GNAQ: variants seen among roughly 807,000 people sequenced by gnomAD.
GNAQ encodes G protein subunit alpha q.
GNAQ carries 8 observed loss-of-function variants against 43.9 expected under a neutral mutation model. That is an observed-to-expected ratio of 0.18 (90% CI 0.11 to 0.33). The LOEUF is 0.33. Ranked by LOEUF, GNAQ falls within the 10% of genes least tolerant of loss-of-function variation. The pLI is 1.00. For missense variants in GNAQ, 158 were observed against 450.8 expected (o/e 0.35, Z 5.88); for synonymous variants, 155 against 170.7 (o/e 0.91, Z 0.71).
intron 1 of GNAQ, among the ~76,000 whole-genome samples, chr9:77,938,032 G>A (rs985011104): frequency 6.6e-6 from 1 of 151,980 alleles, no homozygotes; most frequent in Non-Finnish European, 1.5e-5. Context: ...CCCCTCCACC[G>A]ATACCAAAAT....
At chr9:77,762,751 TAAGA>T (rs1170170884) in intron 5 of GNAQ, among the ~76,000 whole-genome samples, 1 of 152,158 alleles carries the variant, frequency 6.6e-6, no homozygotes, top group African/African-American at 2.4e-5. Flanking sequence ...TGTTCTGTAC[TAAGA>T]AAGATTCTTC....
intron 1 of GNAQ, among the ~76,000 whole-genome samples, chr9:78,021,303 C>T (rs569125350): frequency 5.3e-5 from 8 of 151,966 alleles, no homozygotes; most frequent in Admixed American, 4.6e-4. Context: ...TGGGATTACA[C>T]GCGTGAACCA....
chr9:77,950,347 C>T (rs762755103), intron 1 of GNAQ, among the ~76,000 whole-genome samples: 6 of 152,182 alleles, frequency 3.9e-5, no homozygotes, highest in African/African-American at 1.2e-4. Flanking sequence ...TGTGCCTCCA[C>T]GCTACATGGC....
At chr9:77,760,335 T>A (rs1193328141) in intron 5 of GNAQ, among the ~76,000 whole-genome samples, 1 of 152,108 alleles carries the variant, frequency 6.6e-6, no homozygotes, top group African/African-American at 2.4e-5. Context: ...GCCTGCTGAG[T>A]GCCTGCGAGT....
At chr9:77,911,890 T>C (rs544895636) in intron 2 of GNAQ, among the ~76,000 whole-genome samples, 3 of 152,244 alleles carry the variant, frequency 2.0e-5, no homozygotes, top group East Asian at 1.9e-4. Context: ...AACCGTATTA[T>C]CAAACTAGGA....
intron 5 of GNAQ, among the ~76,000 whole-genome samples, chr9:77,768,083 T>C (rs1269693688): frequency 6.6e-6 from 1 of 152,148 alleles, no homozygotes; most frequent in East Asian, 1.9e-4. Flanking sequence ...ATCTTTACAA[T>C]AACCCAAAGA....
intron 2 of GNAQ, among the ~76,000 whole-genome samples, chr9:77,907,223 C>A (rs1289198330): frequency 6.6e-6 from 1 of 152,076 alleles, no homozygotes; most frequent in Non-Finnish European, 1.5e-5. Context: ...TAGAGTTGTG[C>A]ATTTCATTAT....
intron 2 of GNAQ, among the ~76,000 whole-genome samples, chr9:77,831,246 A>G (rs917815501): frequency 3.2e-4 from 48 of 152,350 alleles, no homozygotes; most frequent in African/African-American, 1.2e-3. Flanking sequence ...AAAATGTTTT[A>G]TATCACAAAG....
At chr9:77,912,550 A>G (rs1028382959) in intron 2 of GNAQ, among the ~76,000 whole-genome samples, 1 of 152,180 alleles carries the variant, frequency 6.6e-6, no homozygotes, top group Admixed American at 6.5e-5. Flanking sequence ...AAAATTATAA[A>G]CTGGGCTATC....
intron 1 of GNAQ, among the ~76,000 whole-genome samples, chr9:77,925,779 CAG>C (rs780611099): frequency 5.3e-5 from 8 of 152,104 alleles, no homozygotes; most frequent in Non-Finnish European, 1.0e-4. Flanking sequence ...GCCAAAAAAC[CAG>C]AGTCATACAT....
At chr9:77,966,155 G>C (rs1823164948) in intron 1 of GNAQ, among the ~76,000 whole-genome samples, 1 of 152,090 alleles carries the variant, frequency 6.6e-6, no homozygotes, top group Admixed American at 6.5e-5. Context: ...TCAGATCAGT[G>C]TTTGGAGGGG....
At chr9:77,989,442 T>TAC (rs1420688290) in intron 1 of GNAQ, among the ~76,000 whole-genome samples, 1 of 152,218 alleles carries the variant, frequency 6.6e-6, no homozygotes, top group African/African-American at 2.4e-5. Flanking sequence ...GAAGCAGTTC[T>TAC]GACTGTGAGA....
intron 1 of GNAQ, among the ~76,000 whole-genome samples, chr9:77,996,632 C>T (rs1170880587): frequency 2.8e-5 from 4 of 143,478 alleles, no homozygotes; most frequent in African/African-American, 5.2e-5. Flanking sequence ...GAGCTGAGAT[C>T]GCGCCACTGC....
At position 77,981,243 on chromosome 9, in the gene GNAQ, C is replaced by A. The variant is rs115521883; in HGVS notation, c.136+49857G>T. Reference sequence around the variant, plus strand: ...TACTCACTGCCAATATTCTGCCATACATAGTATTTCCTTTAATCAATCAAG... The same window carrying A: ...TACTCACTGCCAATATTCTGCCATAAATAGTATTTCCTTTAATCAATCAAG... On this transcript the variant is annotated intron_variant, in intron 1 of 6. Coordinates refer to ENST00000286548, the MANE Select transcript of GNAQ (RefSeq NM_002072.5). 2.0e-3 allele frequency among the ~76,000 whole-genome samples: 303 copies of A among 152,228 alleles called. 2 individuals carry two copies. Among genetic ancestry groups the A allele is most frequent in the African/African-American group, 6.6e-3 (276 of 41,542 alleles).
chr9:77,926,019 T>C lies in GNAQ; in HGVS notation c.137-3674A>G, dbSNP rs561636220. Among the ~76,000 whole-genome samples the C allele has an allele frequency of 3.5e-3, 526 of 152,334 alleles. 1 individual carries two copies. Among genetic ancestry groups the C allele is most frequent in the Non-Finnish European group, 5.6e-3 (383 of 68,026 alleles). On this transcript the variant is annotated intron_variant, in intron 1 of 6. Transcript: ENST00000286548. ...ATTATTTTTACTGTTGTATTGTTTT[T>C]ATGGCTTTTAAAAAATATTTTCTAT...
intron 1 of GNAQ, among the ~76,000 whole-genome samples, chr9:77,926,692 T>A (rs1480568276): frequency 6.6e-6 from 1 of 152,066 alleles, no homozygotes; most frequent in Non-Finnish European, 1.5e-5. Context: ...AGGGTGTGAG[T>A]CCCAGAAAAA....
Position 78,019,284 on chromosome 9 carries a change from G to A in GNAQ, c.136+11816C>T, listed in dbSNP as rs998091909. Among the ~76,000 whole-genome samples, 92 of 152,130 alleles carry A rather than the reference G, an allele frequency of 6.0e-4. 1 individual carries two copies. The highest frequency in any genetic ancestry group is 2.2e-4 in the Non-Finnish European group (15 of 68,022). On this transcript the variant is annotated intron_variant, in intron 1 of 6. Transcript: ENST00000286548. ...TGGTATGTGCCCAAAATTTGTAATC[G>A]TTTCTAACGTGATCTGGATAACATC...
At chr9:77,797,102 G>A (rs1214077947) in intron 4 of GNAQ, among the ~76,000 whole-genome samples, 13 of 152,022 alleles carry the variant, frequency 8.6e-5, no homozygotes, top group African/African-American at 2.4e-4. Context: ...GCGCAATCTC[G>A]TCTCATTGCA....
chr9:77,908,369 G>A (rs1033129037), intron 2 of GNAQ, among the ~76,000 whole-genome samples: 3 of 152,048 alleles, frequency 2.0e-5, no homozygotes, highest in Non-Finnish European at 4.4e-5. Flanking sequence ...CTGTTGCACC[G>A]GATCATGGAA....
Sources: gnomAD v4.1 joint callset for allele counts (sites outside exome capture counted in the v4.1 genomes callset) on GRCh38, gnomAD v4.1.1 for gene constraint, MANE v1.5 for transcripts, NCBI Gene and HGNC (gene_info 2026-07-23, HGNC 2026-07-21) for gene names.